Variants in KAZN observed in about 807,000 individuals in gnomAD.
The protein encoded by KAZN is kazrin, periplakin interacting protein, also known as kazrin.
Under a neutral mutation model 87.4 loss-of-function variants are expected in KAZN, and 40 were observed. That is an observed-to-expected ratio of 0.46 (90% confidence interval 0.36 to 0.60). The LOEUF is 0.60. Among genes scored for constraint, KAZN ranks in the 20% least tolerant of loss-of-function variants. KAZN has a pLI of 0.00. For missense variants in KAZN, 898 were observed against 1,073.9 expected, an observed-to-expected ratio of 0.84 and a Z score of 2.29; for synonymous variants, 466 against 458.3, an observed-to-expected ratio of 1.02 and a Z score of -0.22.
chr1:14,210,153 A>G (rs539568236), intron 2 of KAZN, among the ~76,000 whole-genome samples: 27 of 152,270 alleles, frequency 1.8e-4, no homozygotes, highest in Admixed American at 1.7e-3. Context: ...CATGAGAGGG[A>G]CACAGTGGGA....
intron 2 of KAZN, among the ~76,000 whole-genome samples, chr1:14,343,165 A>G (rs4661482): frequency 0.53 from 81,073 of 151,840 alleles, 22,781 homozygotes; most frequent in East Asian, 0.64. Context: ...CAAACAAACA[A>G]ACAACAAAAA....
intron 2 of KAZN, among the ~76,000 whole-genome samples, chr1:14,400,274 C>T (rs774370228): frequency 3.9e-5 from 6 of 152,100 alleles, no homozygotes; most frequent in Non-Finnish European, 2.9e-5. Context: ...GTGAGAACAA[C>T]CTGGCCAGGA....
At chr1:13,951,527 G>A (rs1641343540) in intron 1 of KAZN, among the ~76,000 whole-genome samples, 1 of 152,064 alleles carries the variant, frequency 6.6e-6, no homozygotes, top group Admixed American at 6.6e-5. Flanking sequence ...GTTTGGAGAT[G>A]ACTCACGTGG....
At chr1:14,839,892 G>A (rs1647736782) in intron 1 of KAZN, among the ~76,000 whole-genome samples, 1 of 152,154 alleles carries the variant, frequency 6.6e-6, no homozygotes, top group Non-Finnish European at 1.5e-5. Context: ...CAGCCTGGCT[G>A]AGTTTCTTCT....
chr1:13,965,528 T>C (rs1226015319), intron 1 of KAZN, among the ~76,000 whole-genome samples: 2 of 152,170 alleles, frequency 1.3e-5, no homozygotes, highest in African/African-American at 4.8e-5. Flanking sequence ...TTGGACCTGT[T>C]ATTTGGTAAG....
chr1:14,367,470 C>T (rs559181773), intron 2 of KAZN, among the ~76,000 whole-genome samples: 8 of 151,852 alleles, frequency 5.3e-5, no homozygotes, highest in South Asian at 2.1e-4. Context: ...GGATGGGGGG[C>T]GGGCTGGGCC....
intron 2 of KAZN, among the ~76,000 whole-genome samples, chr1:14,558,973 G>A (rs572079622): frequency 7.9e-5 from 12 of 152,058 alleles, no homozygotes; most frequent in Non-Finnish European, 1.3e-4. Context: ...CCTTCTCTCT[G>A]CCTCCTCTGC....
intron 2 of KAZN, among the ~76,000 whole-genome samples, chr1:14,550,723 CT>C (rs1673449225): frequency 3.5e-5 from 3 of 86,142 alleles, no homozygotes; most frequent in South Asian, 6.6e-4. Flanking sequence ...CTCTCTCTCT[CT>C]CTCTCTCTCT....
chr1:15,029,343 T>C (rs1315775911), intron 2 of KAZN, among the ~76,000 whole-genome samples: 1 of 152,198 alleles, frequency 6.6e-6, no homozygotes, highest in Non-Finnish European at 1.5e-5. Context: ...AGGTGCTTAA[T>C]TGAACTATTT....
At chr1:14,569,909 G>A (rs145071780) in intron 2 of KAZN, among the ~76,000 whole-genome samples, 4 of 151,766 alleles carry the variant, frequency 2.6e-5, no homozygotes, top group East Asian at 2.0e-4. Flanking sequence ...TTAGGAGATC[G>A]AGACTGTCCT....
At chr1:14,786,121 T>G (rs1005361318) in intron 1 of KAZN, among the ~76,000 whole-genome samples, 4 of 152,240 alleles carry the variant, frequency 2.6e-5, no homozygotes, top group Non-Finnish European at 5.9e-5. Flanking sequence ...TGTAATTATA[T>G]TTCATCTTAT....
intron 2 of KAZN, among the ~76,000 whole-genome samples, chr1:14,511,045 A>C (rs1267079176): frequency 6.6e-6 from 1 of 151,544 alleles, no homozygotes; most frequent in South Asian, 2.1e-4. Flanking sequence ...TGTAACCTTC[A>C]CCAATACTGT....
intron 2 of KAZN, among the ~76,000 whole-genome samples, chr1:14,392,287 C>T (rs1051355084): frequency 2.0e-5 from 3 of 152,096 alleles, no homozygotes; most frequent in African/African-American, 7.2e-5. Context: ...TGGACATGTA[C>T]ATATATATTA....
intron 2 of KAZN, among the ~76,000 whole-genome samples, chr1:14,391,255 G>A (rs761950775): frequency 6.6e-6 from 1 of 152,154 alleles, no homozygotes; most frequent in Non-Finnish European, 1.5e-5. Flanking sequence ...ACTTTTGAGG[G>A]ATCCTTTTCA....
chr1:15,085,214 G>C (rs751282185), intron 8 of KAZN, among the ~76,000 whole-genome samples: 44 of 152,056 alleles, frequency 2.9e-4, no homozygotes, highest in Non-Finnish European at 5.4e-4. Context: ...TTGCTGTATC[G>C]AATACACTAG....
intron 1 of KAZN, among the ~76,000 whole-genome samples, chr1:14,165,258 T>C (rs1468878884): frequency 6.6e-6 from 1 of 152,080 alleles, no homozygotes; most frequent in African/African-American, 2.4e-5. Context: ...CATGCTCTCA[T>C]AGGTCAGATA....
chr1:14,057,030 C>T (rs575607452), intron 1 of KAZN, among the ~76,000 whole-genome samples: 299 of 131,242 alleles, frequency 2.3e-3, no homozygotes, highest in African/African-American at 8.7e-3. Flanking sequence ...AGTGAAAGAG[C>T]GAGACCCTGT....
intron 2 of KAZN, among the ~76,000 whole-genome samples, chr1:14,424,444 T>G (rs1232683899): frequency 6.6e-6 from 1 of 152,120 alleles, no homozygotes; most frequent in Non-Finnish European, 1.5e-5. Context: ...TTTTCACCAA[T>G]GTACACAGCT....
intron 1 of KAZN, among the ~76,000 whole-genome samples, chr1:14,150,379 A>C (rs1219515937): frequency 6.6e-6 from 1 of 152,220 alleles, no homozygotes; most frequent in Non-Finnish European, 1.5e-5. Context: ...TTTATGGTAG[A>C]AGGGTTCCAG....
Sources: allele counts gnomAD v4.1 joint callset (sites outside exome capture counted in the v4.1 genomes callset), GRCh38; gene constraint gnomAD v4.1.1; transcripts MANE v1.5; gene names NCBI Gene and HGNC (gene_info 2026-07-23, HGNC 2026-07-21).